ADGRL2: variants seen among roughly 807,000 people sequenced by gnomAD.
ADGRL2 encodes the protein calcium-independent alpha-latrotoxin receptor 2.
A neutral mutation model predicts 157.4 loss-of-function variants in ADGRL2; 44 were observed. That is an observed-to-expected ratio of 0.28 (90% CI 0.22 to 0.36). The LOEUF (loss-of-function observed/expected upper bound fraction) is 0.36. Ranked by LOEUF, ADGRL2 falls within the 10% of genes least tolerant of loss-of-function variation. ADGRL2 has a pLI of 1.00. For synonymous variants in ADGRL2, 585 were observed against 624.7 expected (o/e 0.94, Z 0.95); for missense variants, 1,510 against 1,768.9 (o/e 0.85, Z 2.63).
chr1:81,974,039 A>G (rs1659513444), intron 17 of ADGRL2, among the ~76,000 whole-genome samples: 1 of 152,172 alleles, frequency 6.6e-6, no homozygotes, highest in African/African-American at 2.4e-5. Flanking sequence ...CTATCCTTTT[A>G]AGGAATATTC....
intron 2 of ADGRL2, among the ~76,000 whole-genome samples, chr1:81,554,363 A>T (rs912375346): frequency 2.0e-5 from 3 of 152,096 alleles, no homozygotes; most frequent in African/African-American, 7.2e-5. Context: ...TCTTCTAACC[A>T]TATGAAATAC....
chr1:81,492,513 A>G (rs2078654642), intron 2 of ADGRL2, among the ~76,000 whole-genome samples: 1 of 152,200 alleles, frequency 6.6e-6, no homozygotes, highest in African/African-American at 2.4e-5. Context: ...AAATGCTTAG[A>G]TTATTGCTAG....
At chr1:81,424,152 C>T (rs1396599757) in intron 1 of ADGRL2, among the ~76,000 whole-genome samples, 2 of 152,264 alleles carry the variant, frequency 1.3e-5, no homozygotes, top group East Asian at 1.9e-4. Flanking sequence ...GACACACCAA[C>T]GTTTATGGAA....
chr1:81,434,401 T>A (rs1329003803), intron 1 of ADGRL2, among the ~76,000 whole-genome samples: 2 of 152,216 alleles, frequency 1.3e-5, no homozygotes, highest in Non-Finnish European at 2.9e-5. Flanking sequence ...GTTTTTTATA[T>A]TTGTCTCTCG....
chr1:81,671,192 A>G (rs2082868391), intron 3 of ADGRL2, among the ~76,000 whole-genome samples: 1 of 152,130 alleles, frequency 6.6e-6, no homozygotes, highest in Non-Finnish European at 1.5e-5. Flanking sequence ...CTCACCCCAG[A>G]CAGTCACACT....
intron 3 of ADGRL2, among the ~76,000 whole-genome samples, chr1:81,673,174 A>G (rs2082909637): frequency 6.6e-6 from 1 of 152,230 alleles, no homozygotes; most frequent in Non-Finnish European, 1.5e-5. Flanking sequence ...AATTCATTTC[A>G]AGCCACACAT....
chr1:81,874,604 TCTTGTTTGTC>T (rs1337371730), intron 2 of ADGRL2, among the ~76,000 whole-genome samples: 13 of 147,552 alleles, frequency 8.8e-5, no homozygotes, highest in Non-Finnish European at 1.5e-4. Context: ...TCTTGTCTTG[TCTTGTTTGTC>T]TTGTCTTGTC....
At chr1:81,536,422 T>C (rs1570424777) in intron 2 of ADGRL2, among the ~76,000 whole-genome samples, 1 of 152,306 alleles carries the variant, frequency 6.6e-6, no homozygotes, top group South Asian at 2.1e-4. Context: ...CTCCTATTTA[T>C]TTACCAGAGA....
Position 81,517,969 on chromosome 1 carries a change from C to T in ADGRL2, c.-247-62907C>T, listed in dbSNP as rs572466028. Among the ~76,000 whole-genome samples the T allele has an allele frequency of 5.0e-4, 76 of 152,330 alleles. 1 individual carries two copies. Among genetic ancestry groups the T allele is most frequent in the South Asian group, 3.3e-3 (16 of 4,826 alleles). On this transcript the variant is annotated intron_variant, in intron 2 of 24. Coordinates refer to the ADGRL2 transcript ENST00000370721. Reference sequence around the variant, plus strand: ...CCACTATATGTTAAAATGCGTATATCTCTGGGAGGAAAGTTAGCACCTTGC... The same window carrying T: ...CCACTATATGTTAAAATGCGTATATTTCTGGGAGGAAAGTTAGCACCTTGC...
At chr1:81,449,324 G>T (rs1034388038) in intron 2 of ADGRL2, among the ~76,000 whole-genome samples, 1 of 152,336 alleles carries the variant, frequency 6.6e-6, no homozygotes, top group Non-Finnish European at 1.5e-5. Flanking sequence ...TCCAGGGTCT[G>T]TGTAATAGGC....
Position 81,991,405 on chromosome 1 carries a change from C to G in ADGRL2, c.*260C>G. 3.3e-6 allele frequency: 1 copy of G among 300,480 alleles called. No individual in the cohort carries two copies. Among genetic ancestry groups the G allele is most frequent in the Non-Finnish European group, 6.2e-6 (1 of 161,304 alleles). The allele number at this position is 300,480 out of a possible 1,614,324, so 18.6% of individuals were successfully genotyped here. A position where few individuals can be genotyped will look rare whatever the true frequency, so the allele number is the denominator to read the frequency against. ...GCCAGCCAGGTATTTTAAGATTCTGCTGCTGTTTAGAGAAATTGTGAAACA... is the reference window on the plus strand; with the variant it reads ...GCCAGCCAGGTATTTTAAGATTCTGGTGCTGTTTAGAGAAATTGTGAAACA... On this transcript the variant is annotated 3_prime_UTR_variant, in exon 24 of 24. Coordinates refer to ENST00000686636, the MANE Select transcript of ADGRL2 (RefSeq NM_001366006.2).
At chr1:81,397,173 T>C (rs2076669419) in intron 1 of ADGRL2, among the ~76,000 whole-genome samples, 1 of 152,152 alleles carries the variant, frequency 6.6e-6, no homozygotes. Context: ...TTTCTATTTA[T>C]TTTTGGTTTA....
intron 3 of ADGRL2, among the ~76,000 whole-genome samples, chr1:81,686,305 A>G (rs751486299): frequency 2.0e-5 from 3 of 152,070 alleles, no homozygotes; most frequent in Non-Finnish European, 2.9e-5. Context: ...CACCATTTCA[A>G]TCTTGCTGCT....
intron 1 of ADGRL2, among the ~76,000 whole-genome samples, chr1:81,400,088 G>C (rs2076724970): frequency 6.6e-6 from 1 of 152,172 alleles, no homozygotes; most frequent in Non-Finnish European, 1.5e-5. Context: ...CTAGGCTATA[G>C]AAGTCTGTGG....
rs1431459669 is a variant in ADGRL2 at position 81,905,515 on chromosome 1, A to G, written c.74-1502A>G. Among the ~76,000 whole-genome samples the G allele has an allele frequency of 3.3e-5, 5 of 152,228 alleles. No homozygotes were observed. In the East Asian group the frequency reaches 9.6e-4, roughly 29 times the overall value. ...CAAATAGGTTTCAAAAGCAGAGGAA[A>G]ATTCACTTAGAATGATAACTCTAAT... is the stretch of plus-strand genomic sequence containing the variant. On this transcript the variant is annotated intron_variant, in intron 2 of 23. Coordinates refer to ENST00000686636, the MANE Select transcript of ADGRL2 (RefSeq NM_001366006.2).
intron 3 of ADGRL2, among the ~76,000 whole-genome samples, chr1:81,643,029 G>T (rs151154857): frequency 2.6e-5 from 4 of 152,206 alleles, no homozygotes; most frequent in South Asian, 2.1e-4. Flanking sequence ...ATAAGGCAAG[G>T]GTATCCCCTG....
intron 2 of ADGRL2, among the ~76,000 whole-genome samples, chr1:81,479,133 C>A (rs1000868403): frequency 6.6e-6 from 1 of 151,908 alleles, no homozygotes; most frequent in Non-Finnish European, 1.5e-5. Context: ...TTTTTGTCCC[C>A]AAGATTGGCA....
intron 2 of ADGRL2, among the ~76,000 whole-genome samples, chr1:81,481,755 T>C (rs1225753265): frequency 6.6e-6 from 1 of 152,120 alleles, no homozygotes; most frequent in Non-Finnish European, 1.5e-5. Flanking sequence ...GAAAACACTT[T>C]GAAAATGGCA....
chr1:81,344,492 C>T (rs909776928), intron 1 of ADGRL2, among the ~76,000 whole-genome samples: 4 of 151,862 alleles, frequency 2.6e-5, no homozygotes, highest in Non-Finnish European at 4.4e-5. Context: ...GCCTGACCAA[C>T]ATGGAGAAAC....
Sources: gnomAD v4.1 joint callset for allele counts (sites outside exome capture counted in the v4.1 genomes callset) on GRCh38, gnomAD v4.1.1 for gene constraint, MANE v1.5 for transcripts, NCBI Gene and HGNC (gene_info 2026-07-23, HGNC 2026-07-21) for gene names.